Variants in HNRNPK observed in about 807,000 individuals in gnomAD.
The protein encoded by HNRNPK is dC-stretch binding protein.
A neutral mutation model predicts 67.0 loss-of-function variants in HNRNPK; 7 were observed. That is an observed-to-expected ratio of 0.10 (90% confidence interval 0.06 to 0.20). The LOEUF is 0.20. Ranked by LOEUF, HNRNPK falls within the 10% of genes least tolerant of loss-of-function variation. HNRNPK has a pLI of 1.00. For synonymous variants in HNRNPK, 213 were observed against 193.7 expected (o/e 1.10, Z -0.83); for missense variants, 264 against 606.5 (o/e 0.44, Z 5.93).
chr9:83,972,983 A>T lies in HNRNPK; in HGVS notation c.517-11T>A. Reference sequence around the variant, plus strand: ...GGTGGTTTGAGTGTTCTGTAGTAAGATCATAAAAAAAAATAATAATAATTA... The same window carrying T: ...GGTGGTTTGAGTGTTCTGTAGTAAGTTCATAAAAAAAAATAATAATAATTA... On this transcript the variant is annotated splice_polypyrimidine_tract_variant and intron_variant, in intron 9 of 16. Coordinates refer to ENST00000376263, the MANE Select transcript of HNRNPK (RefSeq NM_031263.4). 6.4e-7 allele frequency: 1 copy of T among 1,558,270 alleles called. No homozygotes were observed. The highest frequency in any genetic ancestry group is 8.7e-7 in the Non-Finnish European group (1 of 1,150,812).
At chr9:83,974,801 GAGAC>G (rs1309147639) in intron 6 of HNRNPK, among the ~76,000 whole-genome samples, 1 of 152,176 alleles carries the variant, frequency 6.6e-6, no homozygotes, top group African/African-American at 2.4e-5. Context: ...GACTTGCAGA[GAGAC>G]AGAGAGAATG....
Position 83,975,452 on chromosome 9 carries a change from T to C in HNRNPK, c.257+10A>G. On this transcript the variant is annotated intron_variant, in intron 6 of 16. Transcript: ENST00000376263. ...AATCAGGCAGTGAGGCATAAACTGT[T>C]GGGACATACCGCTCGGGGCCACTGC... 6.2e-7 allele frequency: 1 copy of C among 1,613,262 alleles called. No homozygotes were observed. Among genetic ancestry groups the C allele is most frequent in the Non-Finnish European group, 8.5e-7 (1 of 1,179,170 alleles).
chr9:83,970,466 C>G (rs1324567481), intron 15 of HNRNPK, 135 bp from the exon 16 acceptor site: 4 of 735,344 alleles, frequency 5.4e-6, no homozygotes, highest in Non-Finnish European at 8.8e-6. Flanking sequence ...CTAAACCTGT[C>G]AAGGTTTGAG....
intron 5 of HNRNPK, among the ~76,000 whole-genome samples, chr9:83,976,239 A>C (rs1390879074): frequency 6.6e-6 from 1 of 152,224 alleles, no homozygotes; most frequent in Non-Finnish European, 1.5e-5. Flanking sequence ...ACCAAGAGAG[A>C]AATGAAATAC....
intron 5 of HNRNPK, chr9:83,975,771 C>A: frequency 3.7e-6 from 2 of 541,198 alleles, no homozygotes; most frequent in African/African-American, 1.9e-5. Context: ...TAATTTAATA[C>A]AAACTATACT....
chr9:83,977,220 T>G (rs1193533268), intron 4 of HNRNPK, among the ~76,000 whole-genome samples, 169 bp from the exon 5 acceptor site: 2 of 152,186 alleles, frequency 1.3e-5, no homozygotes, highest in Non-Finnish European at 2.9e-5. Flanking sequence ...AATCAAAATA[T>G]AATTCTAAGT....
intron 4 of HNRNPK, 59 bp downstream of exon 4, chr9:83,977,625 AACCAG>A: frequency 1.0e-6 from 1 of 971,754 alleles, no homozygotes; most frequent in Non-Finnish European, 1.6e-6. Flanking sequence ...TAGAAAGCCA[AACCAG>A]ACCTTAATTT....
chr9:83,970,962 T>C (rs968957166), intron 13 of HNRNPK, 50 bp from the exon 14 acceptor site: 2 of 1,546,722 alleles, frequency 1.3e-6, no homozygotes. Flanking sequence ...TTGTAATTAC[T>C]ACCGGTACTT....
intron 12 of HNRNPK, 39 bp from the exon 13 acceptor site, chr9:83,971,395 A>C: frequency 7.3e-7 from 1 of 1,377,340 alleles, no homozygotes; most frequent in Middle Eastern, 1.8e-4. Context: ...CCCGCATTGT[A>C]TTTTGTTATA....
At chr9:83,973,140 T>A (rs1956929090) in intron 9 of HNRNPK, 146 bp downstream of exon 9, 4 of 736,086 alleles carry the variant, frequency 5.4e-6, no homozygotes, top group African/African-American at 1.8e-5. Flanking sequence ...AAATAACATG[T>A]CTAGCAGTGC....
At position 83,978,232 on chromosome 9, in the gene HNRNPK, T is replaced by C. The variant is rs771325071; in HGVS notation, c.21A>G (p.Glu7=). The C allele has an allele frequency of 1.2e-6, 2 of 1,612,944 alleles. No individual in the cohort carries two copies. The highest frequency in any genetic ancestry group is 2.7e-5 in the African/African-American group (2 of 74,882). The change falls in exon 3 of 17, where the codon GAA becomes GAG. Residue 7 remains glutamate, a synonymous_variant. Coordinates refer to ENST00000376263, the MANE Select transcript of HNRNPK (RefSeq NM_031263.4). METEQP[E]ETFPNTETNG... ...TGGTTTCAGTGTTAGGGAAGGTTTCTTCTGGCTGTTCAGTTTCCATATTCT... is the reference window on the plus strand; with the variant it reads ...TGGTTTCAGTGTTAGGGAAGGTTTCCTCTGGCTGTTCAGTTTCCATATTCT...
chr9:83,969,032 C>T lies in HNRNPK; in HGVS notation c.*375G>A, dbSNP rs1240364807. 1.9e-5 allele frequency: 7 copies of T among 375,100 alleles called. No individual in the cohort carries two copies. Among genetic ancestry groups the T allele is most frequent in the Non-Finnish European group, 4.8e-6 (1 of 207,762 alleles). 23.2% of individuals were successfully genotyped at this position (375,100 alleles called of 1,614,324 possible). ...CTATTGTTACTTTTCCTCCCTGTCCCACCCCCCAAATGTTACAGTGACCAC... is the reference window on the plus strand; with the variant it reads ...CTATTGTTACTTTTCCTCCCTGTCCTACCCCCCAAATGTTACAGTGACCAC... On this transcript the variant is annotated 3_prime_UTR_variant, in exon 17 of 17. Transcript: ENST00000376263.
Position 83,972,068 on chromosome 9 carries a change from C to T in HNRNPK, c.767G>A (p.Arg256Gln), listed in dbSNP as rs557886047. The change falls in exon 11 of 17, where the codon CGG (arginine) becomes CAG (glutamine). Residue 256 changes from arginine (R) to glutamine (Q), a missense_variant. Transcript: ENST00000376263. The stretch of plus-strand genomic sequence containing the variant: ...CATTCTGTCAAAACCACCTCTTCCC[C>T]GCATGGGAAATCCCACTGGGCGTCC... Reference protein sequence around the residue: ...RRGRPVGFPMRGRGGFDRMPP... With the variant: ...RRGRPVGFPMQGRGGFDRMPP... The T allele has an allele frequency of 6.2e-6, 10 of 1,613,940 alleles. No homozygotes were observed. The highest frequency in any genetic ancestry group is 2.2e-5 in the East Asian group (1 of 44,886).
At position 83,970,254 on chromosome 9, in the gene HNRNPK, A is replaced by G. The variant is rs773509862; in HGVS notation, c.1269T>C (p.Ile423=). 5 of 1,613,812 alleles carry G rather than the reference A, an allele frequency of 3.1e-6. No individual in the cohort carries two copies. The South Asian group carries it at 5.5e-5, about 18-fold the overall frequency. ...CTTCGGATCCTTCTAAAGGCTCATC[A>G]ATTTTGATCGAAGCTCCCGACTCAT... ...IRHESGASIK[I]DEPLEGSEDR... The change falls in exon 16 of 17, where the codon ATT becomes ATC. Residue 423 remains isoleucine, a synonymous_variant. Coordinates refer to ENST00000376263, the MANE Select transcript of HNRNPK (RefSeq NM_031263.4).
chr9:83,970,889 G>C lies in HNRNPK; in HGVS notation c.1108+8C>G. The stretch of plus-strand genomic sequence containing the variant: ...TTAATGTTTGACTTCACAAAGGAGA[G>C]AACTTACCATATCCGGAGCCACCCT... On this transcript the variant is annotated splice_region_variant and intron_variant, in intron 14 of 16. Coordinates refer to ENST00000376263, the MANE Select transcript of HNRNPK (RefSeq NM_031263.4). 1 of 1,612,764 alleles carries C rather than the reference G, an allele frequency of 6.2e-7. No homozygotes were observed. Among genetic ancestry groups the C allele is most frequent in the Non-Finnish European group, 8.5e-7 (1 of 1,178,866 alleles).
intron 10 of HNRNPK, 89 bp from the exon 11 acceptor site, chr9:83,972,278 G>A (rs933542517): frequency 3.4e-5 from 33 of 975,246 alleles, no homozygotes; most frequent in Non-Finnish European, 4.4e-5. Flanking sequence ...CAAACAAAAT[G>A]TAAGTCATTC....
chr9:83,973,376 G>A lies in HNRNPK; in HGVS notation c.426C>T (p.Asp142=), dbSNP rs1010990048. ...CLNYQHYKGS[D]FDCELRLLIH... Reference sequence around the variant, plus strand: ...TCAACAGCCTCAACTCGCAGTCAAAGTCACTTCCTTTATAGTGTTGGTACT... The same window carrying A: ...TCAACAGCCTCAACTCGCAGTCAAAATCACTTCCTTTATAGTGTTGGTACT... Residue 142 remains aspartate (D), a synonymous_variant, in exon 9 of 17, where the codon GAC becomes GAT. Transcript: ENST00000376263. 9.3e-6 allele frequency: 15 copies of A among 1,606,730 alleles called. No individual in the cohort carries two copies. Among genetic ancestry groups the A allele is most frequent in the Admixed American group, 1.7e-5 (1 of 59,992 alleles).
intron 8 of HNRNPK, among the ~76,000 whole-genome samples, 199 bp downstream of exon 8, chr9:83,973,703 A>G (rs560880898): frequency 6.6e-6 from 1 of 152,368 alleles, no homozygotes; most frequent in South Asian, 2.1e-4. Flanking sequence ...AATAAAAATG[A>G]CTGCAAAGCA....
At chr9:83,970,619 C>T (rs1956785916) in intron 15 of HNRNPK, 118 bp downstream of exon 15, 1 of 756,536 alleles carries the variant, frequency 1.3e-6, no homozygotes, top group Non-Finnish European at 2.2e-6. Flanking sequence ...AGCCCATTAA[C>T]ATAACCTCAA....
Sources: gnomAD v4.1 joint callset for allele counts (sites outside exome capture counted in the v4.1 genomes callset) on GRCh38, gnomAD v4.1.1 for gene constraint, MANE v1.5 for transcripts, NCBI Gene and HGNC (gene_info 2026-07-23, HGNC 2026-07-21) for gene names.